The following SENP7 variants were observed in gnomAD, a reference collection of about 807,000 sequenced individuals.
SENP7 encodes sentrin-specific protease 7.
SENP7 carries 64 observed loss-of-function variants against 141.2 expected under a neutral mutation model. That is an observed-to-expected ratio of 0.45 (90% CI 0.37 to 0.56). SENP7 has a LOEUF of 0.56. Among genes scored for constraint, SENP7 ranks in the 20% least tolerant of loss-of-function variants. The pLI is 0.00. For synonymous variants in SENP7, 382 were observed against 426.4 expected (o/e 0.90, Z 1.28); for missense variants, 1,025 against 1,212.2 (o/e 0.85, Z 2.29).
At chr3:101,390,219 CAAAAA>C (rs563281627) in intron 6 of SENP7, among the ~76,000 whole-genome samples, 4 of 73,838 alleles carry the variant, frequency 5.4e-5, no homozygotes, top group African/African-American at 5.7e-5. Flanking sequence ...GACTCTGTCT[CAAAAA>C]AAAAAAAAAA....
chr3:101,417,592 C>A lies in SENP7; in HGVS notation c.482+1G>T. On this transcript the variant is annotated splice_donor_variant, in intron 5 of 23. Coordinates refer to ENST00000394095, the MANE Select transcript of SENP7 (RefSeq NM_020654.5). LOFTEE classifies it high-confidence loss of function. ...AACAAAATCAATACTGAACAACATA[C>A]CTTTCAGATAAATTAAGGCTTTGGC... 2 of 1,608,052 alleles carry A rather than the reference C, an allele frequency of 1.2e-6. No individual in the cohort carries two copies. Among genetic ancestry groups the A allele is most frequent in the Non-Finnish European group, 1.7e-6 (2 of 1,174,578 alleles).
chr3:101,496,578 C>CT (rs368850019), intron 2 of SENP7, among the ~76,000 whole-genome samples: 53,484 of 133,198 alleles, frequency 0.4, 11,138 homozygotes, highest in East Asian at 0.52. Context: ...ACTTCAAACA[C>CT]TTTTTTTTTT....
chr3:101,382,079 C>G (rs2060517900), intron 6 of SENP7, among the ~76,000 whole-genome samples: 1 of 152,166 alleles, frequency 6.6e-6, no homozygotes, highest in African/African-American at 2.4e-5. Flanking sequence ...GCAATTTGAT[C>G]CCTTTCACTC....
intron 1 of SENP7, among the ~76,000 whole-genome samples, chr3:101,505,816 G>A (rs1430910044): frequency 6.6e-6 from 1 of 151,980 alleles, no homozygotes; most frequent in Non-Finnish European, 1.5e-5. Context: ...TCCATATTAA[G>A]GCATTTAGCA....
Position 101,433,331 on chromosome 3 carries a change from G to GA in SENP7, c.285-15542dup, listed in dbSNP as rs1174647692. Among the ~76,000 whole-genome samples, 23 of 105,648 alleles carry GA rather than the reference G, an allele frequency of 2.2e-4. No homozygotes were observed. The East Asian group carries it at 2.4e-3, about 11-fold the overall frequency. The allele number at this position is 105,648 out of a possible 152,430, so 69.3% of individuals were successfully genotyped here. On this transcript the variant is annotated intron_variant, in intron 4 of 23. Coordinates refer to ENST00000394095, the MANE Select transcript of SENP7 (RefSeq NM_020654.5). The stretch of plus-strand genomic sequence containing the variant: ...ACCTTCACTAGAGGAAGACAGGAAG[G>GA]AAAAAAAAAAGGAAAAAAAAAAACA...
At chr3:101,399,189 T>A (rs1322579287) in intron 5 of SENP7, 134 bp from the exon 6 acceptor site, 1 of 482,778 alleles carries the variant, frequency 2.1e-6, no homozygotes, top group African/African-American at 2.0e-5. Flanking sequence ...ACCCTAGAAA[T>A]TAACCCATAA....
chr3:101,444,054 A>G (rs1351867997), intron 4 of SENP7, among the ~76,000 whole-genome samples: 1 of 142,080 alleles, frequency 7.0e-6, no homozygotes, highest in African/African-American at 2.6e-5. Flanking sequence ...AGAAAAAAAC[A>G]AACAACCCCA....
chr3:101,379,352 GC>G (rs1225753292), intron 6 of SENP7, among the ~76,000 whole-genome samples: 1 of 152,038 alleles, frequency 6.6e-6, no homozygotes, highest in Non-Finnish European at 1.5e-5. Context: ...GACAACAAAA[GC>G]ACAGTCAACT....
intron 4 of SENP7, among the ~76,000 whole-genome samples, chr3:101,437,437 C>T (rs1215532960): frequency 6.6e-6 from 1 of 152,146 alleles, no homozygotes; most frequent in African/African-American, 2.4e-5. Flanking sequence ...CCATGACGTG[C>T]TTATTTCACA....
At chr3:101,384,258 G>C (rs1185766737) in intron 6 of SENP7, among the ~76,000 whole-genome samples, 1 of 152,244 alleles carries the variant, frequency 6.6e-6, no homozygotes. Context: ...CACAGGACAA[G>C]AATTCAGGAC....
At chr3:101,485,351 T>C (rs2064682675) in intron 3 of SENP7, among the ~76,000 whole-genome samples, 1 of 150,946 alleles carries the variant, frequency 6.6e-6, no homozygotes, top group Admixed American at 6.6e-5. Context: ...CCTCATAGAG[T>C]CCATTGCACC....
At chr3:101,347,744 A>C in intron 13 of SENP7, 128 bp downstream of exon 13, 2 of 555,758 alleles carry the variant, frequency 3.6e-6, no homozygotes, top group Non-Finnish European at 5.7e-6. Context: ...AAAAAGAAAC[A>C]AAATTATTTT....
rs79656647 is a variant in SENP7, at chr3:101,372,510, A to G, written c.678-384T>C. Among the ~76,000 whole-genome samples the G allele has an allele frequency of 3.9e-3, 595 of 152,284 alleles. 3 individuals are homozygous for G. Among genetic ancestry groups the G allele is most frequent in the African/African-American group, 0.014 (565 of 41,586 alleles). ...AATTATAAGCCAAAGCTGAATGTTA[A>G]TATATTTCAAGCGTGGTTCATATAC... is the stretch of plus-strand genomic sequence containing the variant. On this transcript the variant is annotated intron_variant, in intron 6 of 23. Transcript: ENST00000394095.
At chr3:101,406,921 T>C (rs1241266009) in intron 5 of SENP7, among the ~76,000 whole-genome samples, 3 of 152,136 alleles carry the variant, frequency 2.0e-5, no homozygotes, top group Non-Finnish European at 2.9e-5. Flanking sequence ...ATCTTCACCC[T>C]CCTCAAACAA....
At chr3:101,481,135 G>T (rs922141437) in intron 3 of SENP7, among the ~76,000 whole-genome samples, 2 of 150,336 alleles carry the variant, frequency 1.3e-5, no homozygotes, top group African/African-American at 4.9e-5. Context: ...CCACTACTGG[G>T]TATTTATCCA....
chr3:101,355,748 A>G (rs907557631), intron 11 of SENP7, among the ~76,000 whole-genome samples: 2 of 152,190 alleles, frequency 1.3e-5, no homozygotes, highest in African/African-American at 4.8e-5. Flanking sequence ...ATTTCTGTGA[A>G]TATCATTGAT....
At chr3:101,448,702 C>T (rs1192613009) in intron 4 of SENP7, among the ~76,000 whole-genome samples, 2 of 152,104 alleles carry the variant, frequency 1.3e-5, no homozygotes, top group Non-Finnish European at 2.9e-5. Context: ...ACAGAAAGGA[C>T]ATCCACACCA....
At position 101,513,095 on chromosome 3, in the gene SENP7, T is replaced by A; in HGVS notation, c.36A>T (p.Ser12=). The change falls in exon 1 of 24, where the codon TCA becomes TCT. Residue 12 remains serine (S), a synonymous_variant. Coordinates refer to ENST00000394095, the MANE Select transcript of SENP7 (RefSeq NM_020654.5). Reference sequence around the variant, plus strand: ...CCTTCTCTGACCCTTTCTCACCGGATGAAGATGGCCGTCGCCCGAGCTTTC... The same window carrying A: ...CCTTCTCTGACCCTTTCTCACCGGAAGAAGATGGCCGTCGCCCGAGCTTTC... ...DKRKLGRRPS[S]SEIITEGKRK... 6.2e-7 allele frequency: 1 copy of A among 1,613,692 alleles called. No individual in the cohort carries two copies. The highest frequency in any genetic ancestry group is 8.5e-7 in the Non-Finnish European group (1 of 1,179,940).
chr3:101,502,556 A>G (rs2065428838), intron 1 of SENP7, among the ~76,000 whole-genome samples: 1 of 152,058 alleles, frequency 6.6e-6, no homozygotes, highest in Non-Finnish European at 1.5e-5. Context: ...TCGGCCACCC[A>G]AAGTGTTGGG....
Sources: allele counts gnomAD v4.1 joint callset (sites outside exome capture counted in the v4.1 genomes callset), GRCh38; gene constraint gnomAD v4.1.1; transcripts MANE v1.5; gene names NCBI Gene and HGNC (gene_info 2026-07-23, HGNC 2026-07-21).